The following CMKLR1 variants were observed in gnomAD, a reference collection of about 807,000 sequenced individuals.
CMKLR1 encodes chemerin chemokine-like receptor 1.
In CMKLR1, 6 loss-of-function variants were observed where a neutral mutation model predicts 8.2. The ratio of observed to expected loss-of-function variants is 0.73; its 90% CI spans 0.40 to 1.44. CMKLR1 has a LOEUF of 1.44. CMKLR1 is among the 40% of genes most tolerant of loss of function. The probability of loss-of-function intolerance (pLI) is 0.02; values close to 1 mark genes in which losing one functional copy is unlikely to be tolerated. For synonymous variants in CMKLR1, 178 were observed against 181.2 expected (o/e 0.98, Z 0.14); for missense variants, 429 against 478.0 (o/e 0.90, Z 0.96).
intron 1 of CMKLR1, among the ~76,000 whole-genome samples, chr12:108,334,547 G>A (rs1342503093): frequency 6.6e-6 from 1 of 152,188 alleles, no homozygotes; most frequent in Non-Finnish European, 1.5e-5. Context: ...AGCAGCCTTG[G>A]CCCATTCTGG....
At chr12:108,334,833 A>T (rs1892184230) in intron 1 of CMKLR1, among the ~76,000 whole-genome samples, 1 of 152,162 alleles carries the variant, frequency 6.6e-6, no homozygotes, top group African/African-American at 2.4e-5. Flanking sequence ...AGGCCTTTCC[A>T]TGTAGGCTTG....
rs1366851779 is a variant in CMKLR1, at chr12:108,292,367, C to T, written c.596G>A (p.Gly199Glu). The T allele has an allele frequency of 1.9e-6, 3 of 1,614,088 alleles. No homozygotes were observed. In the South Asian group the frequency reaches 3.3e-5, roughly 18 times the overall value. ...GGAGTGAGTGGGCCACGAGGAAGAC[C>T]CAGGTGTGGACAGGCTGAAGTTGTT... ...CFNNFSLSTP[G>E]SSSWPTHSQM... Residue 199 changes from glycine to glutamate, a missense_variant, in exon 4 of 4, where the codon GGG becomes GAG. By Grantham distance (98) the Gly-to-Glu change is moderately conservative. Transcript: ENST00000550402.
chr12:108,290,248 C>A lies in CMKLR1; in HGVS notation c.*1593G>T, dbSNP rs1890925068. 6.6e-6 allele frequency: 1 copy of A among 152,152 alleles called. No homozygotes were observed. Among genetic ancestry groups the A allele is most frequent in the Non-Finnish European group, 1.5e-5 (1 of 68,032 alleles). The allele number at this position is 152,152 out of a possible 1,614,324, so 9.4% of individuals were successfully genotyped here. A position where few individuals can be genotyped will look rare whatever the true frequency, so the allele number is the denominator to read the frequency against. ...ATCTCCAAACTTTTTAAGTCCTTCCCAACTCTGCAGCCTCATTTGAGCCAG... is the reference window on the plus strand; with the variant it reads ...ATCTCCAAACTTTTTAAGTCCTTCCAAACTCTGCAGCCTCATTTGAGCCAG... On this transcript the variant is annotated 3_prime_UTR_variant, in exon 4 of 4. Transcript: ENST00000550402.
chr12:108,314,988 A>C (rs1427948156), intron 2 of CMKLR1, among the ~76,000 whole-genome samples: 1 of 130,204 alleles, frequency 7.7e-6, no homozygotes. Flanking sequence ...CCCAGGCTGG[A>C]GTGCAATGGC....
intron 2 of CMKLR1, among the ~76,000 whole-genome samples, chr12:108,298,912 G>T: frequency 6.6e-6 from 1 of 152,352 alleles, no homozygotes; most frequent in Admixed American, 6.5e-5. Context: ...TCCCAGGAGG[G>T]CTCCAGAAGG....
intron 2 of CMKLR1, among the ~76,000 whole-genome samples, chr12:108,321,677 G>T (rs1891865294): frequency 6.6e-6 from 1 of 152,142 alleles, no homozygotes; most frequent in Non-Finnish European, 1.5e-5. Context: ...CACTGCAGGG[G>T]TTCTTAGAAT....
rs1370404097 is a variant in CMKLR1 at position 108,290,536 on chromosome 12, A to G, written c.*1305T>C. Reference sequence around the variant, plus strand: ...ATAGAAGAACAGAGTTTCTGGAGCCAGACGGAGCCAGGTTCAGATCTTAAC... The same window carrying G: ...ATAGAAGAACAGAGTTTCTGGAGCCGGACGGAGCCAGGTTCAGATCTTAAC... On this transcript the variant is annotated 3_prime_UTR_variant, in exon 4 of 4. Transcript: ENST00000550402. The G allele has an allele frequency of 6.6e-6, 1 of 152,262 alleles. No homozygotes were observed. The highest frequency in any genetic ancestry group is 1.5e-5 in the Non-Finnish European group (1 of 68,054). The allele number at this position is 152,262 out of a possible 1,614,324, so 9.4% of individuals were successfully genotyped here.
intron 2 of CMKLR1, among the ~76,000 whole-genome samples, chr12:108,319,488 C>T (rs1891807073): frequency 6.6e-6 from 1 of 152,226 alleles, no homozygotes; most frequent in East Asian, 1.9e-4. Context: ...CTGTCACTTA[C>T]TACCTGTAAG....
chr12:108,329,073 C>A (rs1382292570), intron 2 of CMKLR1, among the ~76,000 whole-genome samples: 1 of 152,198 alleles, frequency 6.6e-6, no homozygotes, highest in East Asian at 1.9e-4. Flanking sequence ...AAGCCACAAA[C>A]CAGCATGCCC....
At position 108,292,365 on chromosome 12, in the gene CMKLR1, A is replaced by G. The variant is rs759038574; in HGVS notation, c.598T>C (p.Ser200Pro). The G allele has an allele frequency of 6.2e-7, 1 of 1,614,084 alleles. No homozygotes were observed. The highest frequency in any genetic ancestry group is 2.2e-5 in the East Asian group (1 of 44,876). Residue 200 changes from serine to proline, a missense_variant, in exon 4 of 4, where the codon TCT becomes CCT. Transcript: ENST00000550402. ...TGGGAGTGAGTGGGCCACGAGGAAG[A>G]CCCAGGTGTGGACAGGCTGAAGTTG... ...FNNFSLSTPG[S>P]SSWPTHSQMD...
intron 2 of CMKLR1, among the ~76,000 whole-genome samples, chr12:108,315,069 CT>C (rs1449984239): frequency 6.6e-6 from 1 of 151,620 alleles, no homozygotes; most frequent in African/African-American, 2.4e-5. Context: ...TCCCAAGTAG[CT>C]GAGATTACAG....
In CMKLR1 at chr12:108,307,218, C is replaced by T. The variant is rs561035300; in HGVS notation, c.-73-13554G>A. ...TGGTGCTGGGGATGCTTACAGCTTG[C>T]TCAGGATGTGGTCAAGAAGGCAGCT... On this transcript the variant is annotated intron_variant, in intron 2 of 3. Coordinates refer to ENST00000550402, the MANE Select transcript of CMKLR1 (RefSeq NM_001142343.2). 3.3e-5 allele frequency among the ~76,000 whole-genome samples: 5 copies of T among 152,344 alleles called. No individual in the cohort carries two copies. In the South Asian group the frequency reaches 1.0e-3, roughly 32 times the overall value.
chr12:108,310,165 G>C (rs1467819088), intron 2 of CMKLR1, among the ~76,000 whole-genome samples: 1 of 79,934 alleles, frequency 1.3e-5, no homozygotes, highest in African/African-American at 5.8e-5. Context: ...GTTAGGGGCT[G>C]TGTGTGTGTG....
rs1330551129 is a variant in CMKLR1, at chr12:108,291,737, GA to G, written c.*103del. ...CTGTTCATCCCATGCAAAATGCAGT[GA>G]AAATTGGTGGATGCTAAAGAGGTTC... is the stretch of plus-strand genomic sequence containing the variant. On this transcript the variant is annotated 3_prime_UTR_variant, in exon 4 of 4. Transcript: ENST00000550402. The G allele has an allele frequency of 8.3e-7, 1 of 1,197,814 alleles. No homozygotes were observed. Among genetic ancestry groups the G allele is most frequent in the African/African-American group, 1.5e-5 (1 of 65,320 alleles). The allele number at this position is 1,197,814 out of a possible 1,614,324, so 74.2% of individuals were successfully genotyped here. A position where few individuals can be genotyped will look rare whatever the true frequency, so the allele number is the denominator to read the frequency against.
chr12:108,300,934 C>T (rs772609165), intron 2 of CMKLR1, among the ~76,000 whole-genome samples: 5 of 152,186 alleles, frequency 3.3e-5, no homozygotes, highest in Non-Finnish European at 7.3e-5. Context: ...TACGCATTTT[C>T]AGACAGGGAG....
intron 2 of CMKLR1, among the ~76,000 whole-genome samples, chr12:108,324,133 G>C (rs1891927252): frequency 6.6e-6 from 1 of 152,142 alleles, no homozygotes; most frequent in Admixed American, 6.5e-5. Context: ...GGGGTCCCTG[G>C]TGACGACTGG....
At chr12:108,296,965 G>A (rs1891153940) in intron 2 of CMKLR1, among the ~76,000 whole-genome samples, 1 of 152,184 alleles carries the variant, frequency 6.6e-6, no homozygotes, top group African/African-American at 2.4e-5. Flanking sequence ...TGCCAATTGT[G>A]AATTATAAAG....
intron 1 of CMKLR1, among the ~76,000 whole-genome samples, chr12:108,332,769 G>A (rs12321936): frequency 0.075 from 11,386 of 152,044 alleles, 463 homozygotes; most frequent in South Asian, 0.093. Context: ...AGAGTGAACC[G>A]TAAGAGAACC....
chr12:108,296,914 C>T lies in CMKLR1; in HGVS notation c.-73-3250G>A, dbSNP rs1394365212. ...CAAGTGGGGGTAAGAACACCTTCCT[C>T]GTGTTGTTGGGAGAATCATGTGAAA... On this transcript the variant is annotated intron_variant, in intron 2 of 3. Coordinates refer to ENST00000550402, the MANE Select transcript of CMKLR1 (RefSeq NM_001142343.2). Among the ~76,000 whole-genome samples, 3 of 152,124 alleles carry T rather than the reference C, an allele frequency of 2.0e-5. No homozygotes were observed. The East Asian group carries it at 5.8e-4, about 29-fold the overall frequency.
Sources: allele counts gnomAD v4.1 joint callset (sites outside exome capture counted in the v4.1 genomes callset), GRCh38; gene constraint gnomAD v4.1.1; transcripts MANE v1.5; gene names NCBI Gene and HGNC (gene_info 2026-07-23, HGNC 2026-07-21).